Variants in SNX18 observed in about 807,000 individuals in gnomAD.
SNX18 encodes sorting nexin 18.
SNX18 carries 35 observed loss-of-function variants against 48.7 expected under a neutral mutation model. That is an observed-to-expected ratio of 0.72 (90% CI 0.55 to 0.95). The LOEUF is 0.95. SNX18 is among the 40% of genes least tolerant of loss of function. The probability of loss-of-function intolerance (pLI) is 0.00; values close to 1 mark genes in which losing one functional copy is unlikely to be tolerated. For missense variants in SNX18, 824 were observed against 871.0 expected (o/e 0.95, Z 0.68); for synonymous variants, 492 against 384.7 (o/e 1.28, Z -3.26).
the SNX18 span, among the ~76,000 whole-genome samples, chr5:54,576,364 C>T: frequency 3.9e-5 from 6 of 152,330 alleles, no homozygotes; most frequent in South Asian, 1.0e-3. Context: ...TGGTACGTGG[C>T]AGGTCTCCCC....
At chr5:54,577,822 T>C in the SNX18 span, among the ~76,000 whole-genome samples, 1 of 152,144 alleles carries the variant, frequency 6.6e-6, no homozygotes, top group African/African-American at 2.4e-5. Flanking sequence ...TTCTGGGTTG[T>C]GTGTGCAGAA....
At chr5:54,538,937 C>T (rs1274745559) in intron 1 of SNX18, among the ~76,000 whole-genome samples, 1 of 152,182 alleles carries the variant, frequency 6.6e-6, no homozygotes, top group African/African-American at 2.4e-5. Context: ...TTTATGGAGA[C>T]ATAATCTTCC....
chr5:54,644,474 T>C, the SNX18 span: 5 of 152,198 alleles, frequency 3.3e-5, no homozygotes, highest in Admixed American at 1.3e-4. Flanking sequence ...ATAGTAGAGA[T>C]TGCTGGCATC....
the SNX18 span, among the ~76,000 whole-genome samples, chr5:54,622,930 T>G: frequency 1.3e-5 from 2 of 152,228 alleles, no homozygotes; most frequent in African/African-American, 2.4e-5. Flanking sequence ...TTAGAAATGT[T>G]TGAAGCAGAA....
At chr5:54,523,575 G>A (rs953158839) in intron 1 of SNX18, among the ~76,000 whole-genome samples, 5 of 152,206 alleles carry the variant, frequency 3.3e-5, no homozygotes, top group African/African-American at 1.2e-4. Flanking sequence ...TGGGCTGTGT[G>A]AAGCAGGGAG....
the SNX18 span, among the ~76,000 whole-genome samples, chr5:54,633,085 T>C: frequency 4.7e-4 from 72 of 152,192 alleles, no homozygotes; most frequent in Non-Finnish European, 8.1e-4. Flanking sequence ...GTAGTATCTC[T>C]CTGATATCAG....
At chr5:54,646,462 G>T in the SNX18 span, among the ~76,000 whole-genome samples, 2 of 152,214 alleles carry the variant, frequency 1.3e-5, no homozygotes, top group African/African-American at 4.8e-5. Context: ...ACTGCTGCCG[G>T]TTGCCCTGCG....
At chr5:54,594,189 AT>A in the SNX18 span, among the ~76,000 whole-genome samples, 2 of 152,368 alleles carry the variant, frequency 1.3e-5, no homozygotes, top group South Asian at 2.1e-4. Context: ...AGGCTATATT[AT>A]TTCATTTGTA....
At chr5:54,637,088 G>A in the SNX18 span, among the ~76,000 whole-genome samples, 1 of 152,188 alleles carries the variant, frequency 6.6e-6, no homozygotes, top group East Asian at 1.9e-4. Flanking sequence ...CTAGTTCAGT[G>A]TGGAACAGTG....
chr5:54,630,488 T>C, the SNX18 span, among the ~76,000 whole-genome samples: 17,708 of 152,108 alleles, frequency 0.12, 1,104 homozygotes, highest in Middle Eastern at 0.14. Flanking sequence ...CTGGATCCCT[T>C]GATTCTACTG....
At chr5:54,538,794 C>A (rs1762405840) in intron 1 of SNX18, among the ~76,000 whole-genome samples, 1 of 152,132 alleles carries the variant, frequency 6.6e-6, no homozygotes, top group Non-Finnish European at 1.5e-5. Context: ...ATATTACTAT[C>A]AACTTGTTTT....
the SNX18 span, among the ~76,000 whole-genome samples, chr5:54,587,628 C>G: frequency 6.6e-6 from 1 of 152,192 alleles, no homozygotes; most frequent in Non-Finnish European, 1.5e-5. Context: ...CCAATCCCTT[C>G]TACTGAACCC....
At chr5:54,602,617 C>A in the SNX18 span, among the ~76,000 whole-genome samples, 10 of 151,948 alleles carry the variant, frequency 6.6e-5, no homozygotes, top group African/African-American at 2.4e-4. Context: ...AGTGTCAGAG[C>A]GGGAGTGAAA....
chr5:54,640,043 G>A, the SNX18 span, among the ~76,000 whole-genome samples: 1 of 152,062 alleles, frequency 6.6e-6, no homozygotes, highest in Non-Finnish European at 1.5e-5. Context: ...TGAACATACG[G>A]GGATTATGGA....
At chr5:54,560,009 C>T in the SNX18 span, among the ~76,000 whole-genome samples, 1 of 151,924 alleles carries the variant, frequency 6.6e-6, no homozygotes, top group Non-Finnish European at 1.5e-5. Context: ...ACAATGAGAA[C>T]TAATTTACAC....
chr5:54,576,798 T>TTGC, the SNX18 span, among the ~76,000 whole-genome samples: 25 of 148,378 alleles, frequency 1.7e-4, 1 homozygote, highest in Middle Eastern at 7.0e-3. Context: ...TGTTTGTTTG[T>TTGC]TTGCTTGCTT....
the SNX18 span, among the ~76,000 whole-genome samples, chr5:54,599,452 G>T: frequency 6.5e-4 from 99 of 152,034 alleles, no homozygotes; most frequent in African/African-American, 2.2e-3. Context: ...AACTACCATT[G>T]ACATTCTTCA....
At chr5:54,603,977 T>G in the SNX18 span, among the ~76,000 whole-genome samples, 1 of 152,194 alleles carries the variant, frequency 6.6e-6, no homozygotes, top group African/African-American at 2.4e-5. Flanking sequence ...TAACAATTAC[T>G]GAAGATCTAC....
At chr5:54,608,734 T>C in the SNX18 span, among the ~76,000 whole-genome samples, 1 of 152,214 alleles carries the variant, frequency 6.6e-6, no homozygotes, top group Non-Finnish European at 1.5e-5. Context: ...TAGCAGGTAT[T>C]AATCTTAGTT....
Sources: allele counts gnomAD v4.1 joint callset (sites outside exome capture counted in the v4.1 genomes callset), GRCh38; gene constraint gnomAD v4.1.1; transcripts MANE v1.5; gene names NCBI Gene and HGNC (gene_info 2026-07-23, HGNC 2026-07-21).